The following GALNT18 variants were observed in gnomAD, a reference collection of about 807,000 sequenced individuals.
GALNT18 encodes polypeptide N-acetylgalactosaminyltransferase 18.
A neutral mutation model predicts 69.5 loss-of-function variants in GALNT18; 44 were observed. The observed-to-expected ratio is 0.63, with a 90% CI of 0.50 to 0.81. The LOEUF (loss-of-function observed/expected upper bound fraction) is 0.81. Ranked by LOEUF, GALNT18 falls within the 40% of genes least tolerant of loss-of-function variation. The pLI, the probability that GALNT18 is intolerant of heterozygous loss-of-function variation, is 0.00. For synonymous variants in GALNT18, 364 were observed against 318.2 expected, an observed-to-expected ratio of 1.14 and a Z score of -1.53; for missense variants, 715 against 810.0, an observed-to-expected ratio of 0.88 and a Z score of 1.42.
At position 11,432,742 on chromosome 11, in the gene GALNT18, G is replaced by A. The variant is rs771501990; in HGVS notation, c.474C>T (p.Ile158=). The A allele has an allele frequency of 1.2e-6, 2 of 1,614,122 alleles. No homozygotes were observed. Among genetic ancestry groups the A allele is most frequent in the South Asian group, 1.1e-5 (1 of 91,064 alleles). The change falls in exon 3 of 11, where the codon ATC becomes ATT. Residue 158 remains isoleucine, a synonymous_variant. Coordinates refer to ENST00000227756, the MANE Select transcript of GALNT18 (RefSeq NM_198516.3). The surrounding 1 kb of genome is among the most constrained non-coding windows in gnomAD (Gnocchi z 5.8). ...GCGCTTCATTGACGAAGATGAACAC[G>A]ATGCTCACCTCTGGCAGGCTGTCAG... The part of the protein sequence containing the change: ...SFPDSLPEVS[I]VFIFVNEALS...
chr11:11,317,534 T>C (rs1390035294), intron 9 of GALNT18, among the ~76,000 whole-genome samples: 1 of 152,242 alleles, frequency 6.6e-6, no homozygotes, highest in Admixed American at 6.5e-5. Flanking sequence ...CTTGTATGTC[T>C]TCCTTTGAGG....
rs141281107 is a variant in GALNT18, at chr11:11,595,242, T to C, written c.235+26117A>G. On this transcript the variant is annotated intron_variant, in intron 1 of 10. Transcript: ENST00000227756. The surrounding 1 kb of genome is among the most constrained non-coding windows in gnomAD (Gnocchi z 5.2). ...TTTAGAAGGTGGGGCCCTAGGGAGG[T>C]GGATAGGTAATGAGGCCTTTGTCCT... 5.5e-3 allele frequency among the ~76,000 whole-genome samples: 830 copies of C among 151,520 alleles called. 9 individuals are homozygous for C. The highest frequency in any genetic ancestry group is 0.019 in the African/African-American group (788 of 41,264).
Position 11,540,271 on chromosome 11 carries a change from T to C in GALNT18, c.235+81088A>G, listed in dbSNP as rs964014107. 1.1e-4 allele frequency among the ~76,000 whole-genome samples: 17 copies of C among 152,192 alleles called. No individual in the cohort carries two copies. The highest frequency in any genetic ancestry group is 4.1e-4 in the African/African-American group (17 of 41,444). On this transcript the variant is annotated intron_variant, in intron 1 of 10. Transcript: ENST00000227756. The surrounding 1 kb of genome is among the most constrained non-coding windows in gnomAD (Gnocchi z 4.6). ...GGCTTAGAAGGCGTCCTTGTAACTTTGTTGAAGGGCCCTGGAAGGTGCAGG... is the reference window on the plus strand; with the variant it reads ...GGCTTAGAAGGCGTCCTTGTAACTTCGTTGAAGGGCCCTGGAAGGTGCAGG...
At chr11:11,437,842 C>A (rs1287654174) in intron 2 of GALNT18, among the ~76,000 whole-genome samples, 1 of 152,088 alleles carries the variant, frequency 6.6e-6, no homozygotes, top group Admixed American at 6.5e-5. Flanking sequence ...TGCCAAGACA[C>A]ACTAGGAACA....
At chr11:11,489,950 C>T (rs922908983) in intron 1 of GALNT18, among the ~76,000 whole-genome samples, 10 of 152,160 alleles carry the variant, frequency 6.6e-5, no homozygotes, top group African/African-American at 2.4e-4. Context: ...CTACTCTATA[C>T]TGCCTCACAA....
intron 9 of GALNT18, among the ~76,000 whole-genome samples, chr11:11,319,385 A>G (rs771798141): frequency 5.3e-5 from 8 of 152,258 alleles, no homozygotes; most frequent in Non-Finnish European, 8.8e-5. Flanking sequence ...ACCAGAATAT[A>G]GCTTCACAAG....
chr11:11,422,436 A>T (rs1487734495), intron 3 of GALNT18, among the ~76,000 whole-genome samples: 2 of 152,240 alleles, frequency 1.3e-5, no homozygotes, highest in Non-Finnish European at 2.9e-5. Context: ...GCACTGGTCA[A>T]AGCCATAGAG....
rs1285969961 is a variant in GALNT18 at position 11,542,919 on chromosome 11, G to A, written c.235+78440C>T. Reference sequence around the variant, plus strand: ...TTTAATGGTCAGTAACTAAGTTTCAGTGGTTGAGAAGGATCCATTAGTTCG... The same window carrying A: ...TTTAATGGTCAGTAACTAAGTTTCAATGGTTGAGAAGGATCCATTAGTTCG... On this transcript the variant is annotated intron_variant, in intron 1 of 10. Transcript: ENST00000227756. This position sits in a 1 kb window ranked among gnomAD's most constrained non-coding sequence, Gnocchi z 4.3. Among the ~76,000 whole-genome samples, 1 of 152,244 alleles carries A rather than the reference G, an allele frequency of 6.6e-6. No individual in the cohort carries two copies. Among genetic ancestry groups the A allele is most frequent in the Non-Finnish European group, 1.5e-5 (1 of 68,038 alleles).
Position 11,404,495 on chromosome 11 carries a change from C to T in GALNT18, c.596-25231G>A, listed in dbSNP as rs573173013. 3.3e-5 allele frequency among the ~76,000 whole-genome samples: 5 copies of T among 152,248 alleles called. No individual in the cohort carries two copies. The highest frequency in any genetic ancestry group is 2.1e-4 in the South Asian group (1 of 4,824). On this transcript the variant is annotated intron_variant, in intron 3 of 10. Transcript: ENST00000227756. The surrounding 1 kb of genome is among the most constrained non-coding windows in gnomAD (Gnocchi z 4.5). ...CCGGAAGGAGTTAAGGATCAAACGG[C>T]GCCCAGGGAGTGAGCCAAACATTCC...
rs1857822934 is a variant in GALNT18 at position 11,537,976 on chromosome 11, C to A, written c.235+83383G>T. On this transcript the variant is annotated intron_variant, in intron 1 of 10. Transcript: ENST00000227756. The stretch of plus-strand genomic sequence containing the variant: ...TTCCATGGCCAATTTTAATCTAATA[C>A]AACTATAATATAATAACAACAATAA... Among the ~76,000 whole-genome samples the A allele has an allele frequency of 2.0e-5, 3 of 152,092 alleles. No individual in the cohort carries two copies. The South Asian group carries it at 6.2e-4, about 32-fold the overall frequency.
At chr11:11,427,487 G>C (rs1025979922) in intron 3 of GALNT18, among the ~76,000 whole-genome samples, 1 of 152,130 alleles carries the variant, frequency 6.6e-6, no homozygotes, top group Non-Finnish European at 1.5e-5. Flanking sequence ...AAGACATTCC[G>C]ACGGCTCTGC....
At chr11:11,552,064 A>T (rs1858209431) in intron 1 of GALNT18, among the ~76,000 whole-genome samples, 1 of 152,242 alleles carries the variant, frequency 6.6e-6, no homozygotes, top group Non-Finnish European at 1.5e-5. Flanking sequence ...ATCTGGATAT[A>T]TACGTGAGGT....
chr11:11,434,997 AT>A (rs770907570), intron 2 of GALNT18, among the ~76,000 whole-genome samples: 12 of 152,194 alleles, frequency 7.9e-5, no homozygotes, highest in Non-Finnish European at 1.2e-4. Context: ...TGCTAATTGC[AT>A]TTAAAAAGTA....
chr11:11,588,345 T>C (rs141177264), intron 1 of GALNT18, among the ~76,000 whole-genome samples: 1,856 of 152,284 alleles, frequency 0.012, 19 homozygotes, highest in South Asian at 0.029. Context: ...GAATCTGGCA[T>C]TTAGTGAGTA....
chr11:11,548,199 C>A (rs1266973825), intron 1 of GALNT18, among the ~76,000 whole-genome samples: 1 of 152,224 alleles, frequency 6.6e-6, no homozygotes, highest in Non-Finnish European at 1.5e-5. Context: ...AAAGCCAGCA[C>A]AGGCTGCAAT....
Position 11,604,836 on chromosome 11 carries a change from T to C in GALNT18, c.235+16523A>G, listed in dbSNP as rs1435632941. ...CCGGCCCATAGCTTCATTCCACTGG[T>C]CCCCCACACCCCAAAGGCTACACAA... On this transcript the variant is annotated intron_variant, in intron 1 of 10. Coordinates refer to ENST00000227756, the MANE Select transcript of GALNT18 (RefSeq NM_198516.3). The surrounding 1 kb of genome is among the most constrained non-coding windows in gnomAD (Gnocchi z 5.6). 6.6e-6 allele frequency among the ~76,000 whole-genome samples: 1 copy of C among 151,686 alleles called. No homozygotes were observed. Among genetic ancestry groups the C allele is most frequent in the Non-Finnish European group, 1.5e-5 (1 of 67,942 alleles).
rs544562152 is a variant in GALNT18 at position 11,551,102 on chromosome 11, A to T, written c.235+70257T>A. ...TACGGTACCAAAAAAAAAAAAAAAA[A>T]GCCCAGAAGAAAATAACCAAAAACA... is the stretch of plus-strand genomic sequence containing the variant. On this transcript the variant is annotated intron_variant, in intron 1 of 10. Coordinates refer to ENST00000227756, the MANE Select transcript of GALNT18 (RefSeq NM_198516.3). Among the ~76,000 whole-genome samples the T allele has an allele frequency of 1.9e-3, 261 of 140,868 alleles. 1 individual carries two copies. Among genetic ancestry groups the T allele is most frequent in the African/African-American group, 6.0e-3 (236 of 39,502 alleles). The allele number at this position is 140,868 out of a possible 152,430, so 92.4% of individuals were successfully genotyped here. A position where few individuals can be genotyped will look rare whatever the true frequency, so the allele number is the denominator to read the frequency against.
chr11:11,506,235 A>G (rs909383596), intron 1 of GALNT18, among the ~76,000 whole-genome samples: 4 of 152,250 alleles, frequency 2.6e-5, no homozygotes, highest in African/African-American at 7.2e-5. Context: ...CAATACATGC[A>G]TACACACCAT....
At chr11:11,532,080 A>G (rs947422926) in intron 1 of GALNT18, among the ~76,000 whole-genome samples, 1 of 152,270 alleles carries the variant, frequency 6.6e-6, no homozygotes, top group African/African-American at 2.4e-5. Context: ...TCTGAATCCA[A>G]GTGCCCCATT....
Sources: allele counts gnomAD v4.1 joint callset (sites outside exome capture counted in the v4.1 genomes callset), GRCh38; gene constraint gnomAD v4.1.1; non-coding constraint Gnocchi (gnomAD v3.1); transcripts MANE v1.5; gene names NCBI Gene and HGNC (gene_info 2026-07-23, HGNC 2026-07-21).